ROBO1: variants seen among roughly 807,000 people sequenced by gnomAD.
ROBO1 encodes roundabout homolog 1.
In ROBO1, 149 loss-of-function variants were observed where a neutral mutation model predicts 195.9. The ratio of observed to expected loss-of-function variants is 0.76; its 90% CI spans 0.67 to 0.87. The LOEUF (loss-of-function observed/expected upper bound fraction) is 0.87. Among genes scored for constraint, ROBO1 ranks in the 40% least tolerant of loss-of-function variants. The probability of loss-of-function intolerance (pLI) is 0.00; values close to 1 mark genes in which losing one functional copy is unlikely to be tolerated. For missense variants in ROBO1, 1,933 were observed against 2,068.3 expected (o/e 0.93, Z 1.27); for synonymous variants, 816 against 733.2 (o/e 1.11, Z -1.82).
chr3:79,473,419 A>C (rs573351580), intron 2 of ROBO1, among the ~76,000 whole-genome samples: 193 of 152,194 alleles, frequency 1.3e-3, no homozygotes, highest in African/African-American at 4.4e-3. Context: ...AAACAAGAAC[A>C]CTAGCCTAGC....
At chr3:79,498,763 A>G (rs138471290) in intron 2 of ROBO1, among the ~76,000 whole-genome samples, 3,759 of 151,994 alleles carry the variant, frequency 0.025, 169 homozygotes, top group African/African-American at 0.086. Context: ...CTGAGGCAGG[A>G]GAATCACTTG....
At chr3:78,612,249 T>A (rs1293511682) in intron 28 of ROBO1, among the ~76,000 whole-genome samples, 1 of 152,198 alleles carries the variant, frequency 6.6e-6, no homozygotes, top group African/African-American at 2.4e-5. Context: ...TCATCCATCA[T>A]AATCCATACA....
chr3:79,746,860 T>C (rs1703899941), intron 1 of ROBO1, among the ~76,000 whole-genome samples: 1 of 152,088 alleles, frequency 6.6e-6, no homozygotes, highest in African/African-American at 2.4e-5. Flanking sequence ...GGCTGATAAT[T>C]ATAAAGAATC....
At chr3:79,241,948 C>CTTT (rs11383398) in intron 2 of ROBO1, among the ~76,000 whole-genome samples, 20 of 145,710 alleles carry the variant, frequency 1.4e-4, no homozygotes, top group Admixed American at 3.4e-4. Flanking sequence ...TTAATTTAAG[C>CTTT]TTTTTTTTTT....
chr3:78,670,033 A>G (rs1707970920), intron 11 of ROBO1, 63 bp downstream of exon 11: 1 of 1,297,008 alleles, frequency 7.7e-7, no homozygotes, highest in Admixed American at 2.3e-5. Context: ...TTTCAATGCC[A>G]GTTGTTGGAG....
intron 2 of ROBO1, among the ~76,000 whole-genome samples, chr3:79,542,745 T>C (rs1457034634): frequency 6.6e-6 from 1 of 152,102 alleles, no homozygotes; most frequent in African/African-American, 2.4e-5. Context: ...TAGTAAGCGG[T>C]TGAGCCAAGA....
rs11451206 is a variant in ROBO1, at chr3:79,760,236, C to CAAAAAAAAAAAAAAAAA, written c.-51+7499_-51+7515dup. Reference sequence around the variant, plus strand: ...TGGGTGAGACAGTGAGACCCTATCTCAAAAAAAAAAAAAAAAAAAAAAAAA... The same window carrying CAAAAAAAAAAAAAAAAA: ...TGGGTGAGACAGTGAGACCCTATCTCAAAAAAAAAAAAAAAAAAAAAAAAAAAAAAAAAAAAAAAAAA... On this transcript the variant is annotated intron_variant, in intron 1 of 30. Transcript: ENST00000464233. 6.6e-4 allele frequency among the ~76,000 whole-genome samples: 3 copies of CAAAAAAAAAAAAAAAAA among 4,516 alleles called. 1 individual carries two copies. Among genetic ancestry groups the CAAAAAAAAAAAAAAAAA allele is most frequent in the Admixed American group, 4.2e-3 (1 of 238 alleles). The allele number at this position is 4,516 out of a possible 152,430, so 3.0% of individuals were successfully genotyped here. A position where few individuals can be genotyped will look rare whatever the true frequency, so the allele number is the denominator to read the frequency against.
intron 1 of ROBO1, among the ~76,000 whole-genome samples, chr3:79,748,551 C>T (rs959356223): frequency 6.6e-6 from 1 of 152,052 alleles, no homozygotes; most frequent in Non-Finnish European, 1.5e-5. Context: ...CAAATCTCTA[C>T]ATTTCTTTTC....
At chr3:79,181,925 CA>C (rs151309857) in intron 2 of ROBO1, among the ~76,000 whole-genome samples, 7,646 of 87,552 alleles carry the variant, frequency 0.087, 192 homozygotes, top group African/African-American at 0.11. Context: ...GATCTTGTGC[CA>C]AAAAAAAAAA....
At chr3:78,766,779 T>A (rs958873757) in intron 4 of ROBO1, among the ~76,000 whole-genome samples, 15 of 152,208 alleles carry the variant, frequency 9.9e-5, no homozygotes, top group African/African-American at 9.6e-5. Context: ...TTTATTACAT[T>A]AAGGTATGTC....
chr3:78,896,888 C>T (rs779187276), intron 4 of ROBO1, among the ~76,000 whole-genome samples: 7 of 152,102 alleles, frequency 4.6e-5, no homozygotes, highest in Non-Finnish European at 2.9e-5. Context: ...GTATCTGCTG[C>T]ATACACCACT....
intron 2 of ROBO1, among the ~76,000 whole-genome samples, chr3:79,445,682 G>T (rs1471155174): frequency 1.4e-5 from 2 of 142,464 alleles, no homozygotes; most frequent in African/African-American, 5.2e-5. Flanking sequence ...TTTTTTTTGA[G>T]ACGGAGTCTC....
At chr3:79,439,446 A>G (rs2038986702) in intron 2 of ROBO1, among the ~76,000 whole-genome samples, 1 of 152,112 alleles carries the variant, frequency 6.6e-6, no homozygotes, top group African/African-American at 2.4e-5. Flanking sequence ...TGAATTTACC[A>G]AAACTATTAT....
intron 30 of ROBO1, chr3:78,599,903 C>T (rs1190765446): frequency 5.0e-6 from 3 of 595,680 alleles, no homozygotes; most frequent in Non-Finnish European, 9.0e-6. Flanking sequence ...CCTAGCTAAA[C>T]AAATAAACTG....
intron 2 of ROBO1, among the ~76,000 whole-genome samples, chr3:79,497,587 C>T (rs1939821227): frequency 6.6e-6 from 1 of 152,040 alleles, no homozygotes; most frequent in Non-Finnish European, 1.5e-5. Context: ...CTGACCGATG[C>T]TAAATATTAA....
intron 2 of ROBO1, among the ~76,000 whole-genome samples, chr3:79,235,517 T>C (rs547877270): frequency 1.4e-5 from 2 of 146,334 alleles, no homozygotes; most frequent in Admixed American, 1.3e-4. Flanking sequence ...AAAGTCACAC[T>C]TATCTGGGAA....
chr3:78,780,903 T>C (rs960568660), intron 4 of ROBO1, among the ~76,000 whole-genome samples: 1 of 152,166 alleles, frequency 6.6e-6, no homozygotes, highest in Non-Finnish European at 1.5e-5. Context: ...ATGTGGAATA[T>C]TGTTCCTGAC....
chr3:78,648,463 ACT>A (rs996995878), intron 19 of ROBO1, among the ~76,000 whole-genome samples: 2 of 151,958 alleles, frequency 1.3e-5, no homozygotes, highest in Non-Finnish European at 2.9e-5. Flanking sequence ...GAAAACCTTC[ACT>A]CTCTCTGCAG....
intron 1 of ROBO1, among the ~76,000 whole-genome samples, chr3:79,731,557 T>A (rs2107357036): frequency 6.6e-6 from 1 of 151,874 alleles, no homozygotes; most frequent in South Asian, 2.1e-4. Context: ...ACATCCTAGA[T>A]GCTGTAAGGA....
Sources: gnomAD v4.1 joint callset for allele counts (sites outside exome capture counted in the v4.1 genomes callset) on GRCh38, gnomAD v4.1.1 for gene constraint, MANE v1.5 for transcripts, NCBI Gene and HGNC (gene_info 2026-07-23, HGNC 2026-07-21) for gene names.